WDFY3: variants seen among roughly 807,000 people sequenced by gnomAD.
The protein encoded by WDFY3 is WD repeat and FYVE domain containing 3.
WDFY3 carries 66 observed loss-of-function variants against 409.6 expected under a neutral mutation model. The ratio of observed to expected loss-of-function variants is 0.16; its 90% CI spans 0.13 to 0.20. The LOEUF is 0.20. WDFY3 is among the 10% of genes least tolerant of loss of function. WDFY3 has a pLI of 1.00. For synonymous variants in WDFY3, 1,521 were observed against 1,537.1 expected, an observed-to-expected ratio of 0.99 and a Z score of 0.25; for missense variants, 3,031 against 4,298.1, an observed-to-expected ratio of 0.71 and a Z score of 8.24.
chr4:84,831,415 T>C lies in WDFY3; in HGVS notation c.767A>G (p.His256Arg), dbSNP rs1363989142. Residue 256 changes from histidine to arginine, a missense_variant and splice_region_variant, in exon 8 of 68, where the codon CAT (histidine) becomes CGT (arginine). Transcript: ENST00000295888. ...TAAATATATAAAGAGATATTCACCA[T>C]GAATATACTTCACTACATTGACACT... Reference protein sequence around the residue: ...GLSVNVVKYIHEKECLSTCVQ... With the variant: ...GLSVNVVKYIREKECLSTCVQ... The C allele has an allele frequency of 1.3e-6, 2 of 1,590,922 alleles. No homozygotes were observed. The highest frequency in any genetic ancestry group is 2.2e-5 in the East Asian group (1 of 44,496).
chr4:84,669,966 AAC>A lies in WDFY3; in HGVS notation c.*2900_*2901del, dbSNP rs1198624700. On this transcript the variant is annotated 3_prime_UTR_variant, in exon 68 of 68. Transcript: ENST00000295888. ...GCTGAAATTAAAAATACTTTCTAAA[AAC>A]AGTTTTAACGGCATAAATATTTTAT... The A allele has an allele frequency of 6.6e-6, 1 of 152,610 alleles. No individual in the cohort carries two copies. Among genetic ancestry groups the A allele is most frequent in the Admixed American group, 6.6e-5 (1 of 15,266 alleles). 9.5% of individuals were successfully genotyped at this position (152,610 alleles called of 1,614,324 possible). A position where few individuals can be genotyped will look rare whatever the true frequency, so the allele number is the denominator to read the frequency against.
intron 1 of WDFY3, among the ~76,000 whole-genome samples, chr4:84,956,409 G>A (rs970168794): frequency 2.0e-5 from 3 of 152,094 alleles, no homozygotes; most frequent in Non-Finnish European, 2.9e-5. Context: ...ACAGGCTAGT[G>A]GTCCTACCCA....
rs976970456 is a variant in WDFY3 at position 84,966,623 on chromosome 4, C to T, written c.-640G>A. 2.6e-5 allele frequency among the ~76,000 whole-genome samples: 4 copies of T among 152,030 alleles called. No homozygotes were observed. The highest frequency in any genetic ancestry group is 4.8e-5 in the African/African-American group (2 of 41,418). On this transcript the variant is annotated 5_prime_UTR_variant, in exon 1 of 68. Coordinates refer to ENST00000295888, the MANE Select transcript of WDFY3 (RefSeq NM_014991.6). ...AAAGTGAGGGGTTGTTGCCGTTTCC[C>T]GCAGCTGTTGGTGGCCATCTTTAAT...
At chr4:84,949,805 A>G (rs1773367541) in intron 1 of WDFY3, among the ~76,000 whole-genome samples, 1 of 152,212 alleles carries the variant, frequency 6.6e-6, no homozygotes, top group Admixed American at 6.5e-5. Flanking sequence ...CGAAAACTCA[A>G]GGACAAAAGT....
chr4:84,754,151 T>C (rs1389898297), intron 34 of WDFY3, among the ~76,000 whole-genome samples: 2 of 152,162 alleles, frequency 1.3e-5, no homozygotes, highest in Non-Finnish European at 2.9e-5. Context: ...TGGTTTTGAT[T>C]ATTCATTATT....
At chr4:84,866,294 G>C (rs986905848) in intron 3 of WDFY3, among the ~76,000 whole-genome samples, 1 of 152,128 alleles carries the variant, frequency 6.6e-6, no homozygotes, top group Non-Finnish European at 1.5e-5. Flanking sequence ...TGTTGACTTC[G>C]TAAAGATGAA....
intron 1 of WDFY3, among the ~76,000 whole-genome samples, chr4:84,935,670 T>C (rs894269462): frequency 2.0e-5 from 3 of 152,134 alleles, no homozygotes; most frequent in Non-Finnish European, 2.9e-5. Context: ...GAAGCAAAAA[T>C]AGCAGGCGGC....
chr4:84,700,606 TAA>T (rs1560554666), intron 56 of WDFY3, among the ~76,000 whole-genome samples: 2 of 152,208 alleles, frequency 1.3e-5, no homozygotes, highest in Admixed American at 6.5e-5. Context: ...TTACTTATTT[TAA>T]AAGTAGATTG....
At chr4:84,746,950 C>CT (rs1217959475) in intron 36 of WDFY3, among the ~76,000 whole-genome samples, 1 of 152,160 alleles carries the variant, frequency 6.6e-6, no homozygotes, top group African/African-American at 2.4e-5. Context: ...ATGTCATACT[C>CT]TCCCCACTCT....
chr4:84,763,138 A>G (rs1463313713), intron 32 of WDFY3, among the ~76,000 whole-genome samples: 1 of 152,192 alleles, frequency 6.6e-6, no homozygotes, highest in African/African-American at 2.4e-5. Flanking sequence ...TATTTAATAT[A>G]TCACGATTAA....
At position 84,789,938 on chromosome 4, in the gene WDFY3, T is replaced by C. The variant is rs749230527; in HGVS notation, c.3488-31A>G. The C allele has an allele frequency of 2.3e-5, 37 of 1,609,520 alleles. No homozygotes were observed. In the Admixed American group the frequency reaches 6.2e-4, roughly 27 times the overall value. On this transcript the variant is annotated intron_variant, in intron 21 of 67. Transcript: ENST00000295888. ...ATAAAGGGGGGAAGACATAAAAACT[T>C]TTTCCAACACCATCCCTATTCAAAT...
At chr4:84,947,138 T>C (rs760964898) in intron 1 of WDFY3, among the ~76,000 whole-genome samples, 4 of 151,718 alleles carry the variant, frequency 2.6e-5, no homozygotes, top group Non-Finnish European at 5.9e-5. Flanking sequence ...AATATATAAA[T>C]TGAAGATGCA....
chr4:84,800,109 G>C (rs115178725), intron 17 of WDFY3, among the ~76,000 whole-genome samples: 26 of 152,300 alleles, frequency 1.7e-4, no homozygotes, highest in African/African-American at 5.8e-4. Flanking sequence ...TGGATGAAGT[G>C]AGTAGGTCCA....
At chr4:84,733,109 C>G (rs915053619) in intron 44 of WDFY3, among the ~76,000 whole-genome samples, 2 of 152,160 alleles carry the variant, frequency 1.3e-5, no homozygotes, top group African/African-American at 4.8e-5. Context: ...TGACCCATAA[C>G]CCAGCTATAA....
chr4:84,858,730 T>C (rs561037731), intron 4 of WDFY3, among the ~76,000 whole-genome samples: 253 of 141,854 alleles, frequency 1.8e-3, no homozygotes, highest in Non-Finnish European at 3.2e-3. Flanking sequence ...GAAAATAATA[T>C]AGACAACAAG....
At chr4:84,763,520 A>G (rs34357592) in intron 32 of WDFY3, among the ~76,000 whole-genome samples, 7 of 152,156 alleles carry the variant, frequency 4.6e-5, no homozygotes, top group Non-Finnish European at 1.0e-4. Flanking sequence ...AATGTTCTGC[A>G]CATGTATCCC....
chr4:84,800,828 C>A (rs1441803165), intron 17 of WDFY3, among the ~76,000 whole-genome samples: 1 of 152,136 alleles, frequency 6.6e-6, no homozygotes, highest in Non-Finnish European at 1.5e-5. Context: ...GTTCACGCTC[C>A]TATGAGTATC....
chr4:84,755,459 A>G (rs1365381662), intron 33 of WDFY3, 59 bp from the exon 34 acceptor site: 3 of 1,551,264 alleles, frequency 1.9e-6, no homozygotes, highest in East Asian at 2.3e-5. Context: ...AGAGACCCTC[A>G]TAAGTTCTAA....
chr4:84,899,401 T>C (rs1042277355), intron 2 of WDFY3, among the ~76,000 whole-genome samples: 1 of 152,212 alleles, frequency 6.6e-6, no homozygotes, highest in Admixed American at 6.5e-5. Flanking sequence ...ATGATTCAAA[T>C]GTTATTAAAC....
Sources: allele counts gnomAD v4.1 joint callset (sites outside exome capture counted in the v4.1 genomes callset), GRCh38; gene constraint gnomAD v4.1.1; transcripts MANE v1.5; gene names NCBI Gene and HGNC (gene_info 2026-07-23, HGNC 2026-07-21).